WNK3: variants seen among roughly 807,000 people sequenced by gnomAD.
WNK3 encodes WNK lysine deficient protein kinase 3, also known as serine/threonine-protein kinase WNK3.
WNK3 carries 18 observed loss-of-function variants against 116.7 expected under a neutral mutation model. That is an observed-to-expected ratio of 0.15 (90% CI 0.11 to 0.23). WNK3 has a LOEUF of 0.23. Among genes scored for constraint, WNK3 ranks in the 10% least tolerant of loss-of-function variants. The pLI is 1.00. For synonymous variants in WNK3, 404 were observed against 469.4 expected, an observed-to-expected ratio of 0.86 and a Z score of 1.80; for missense variants, 993 against 1,323.8, an observed-to-expected ratio of 0.75 and a Z score of 3.88.
chrX:54,314,047 G>T (rs1233205608), intron 2 of WNK3, among the ~76,000 whole-genome samples: 1 of 108,624 alleles, frequency 9.2e-6, no homozygotes, highest in Non-Finnish European at 1.9e-5. Flanking sequence ...CAAAAAATTA[G>T]CCAGGTGTGG....
At chrX:54,261,603 T>C (rs147711065) in intron 10 of WNK3, among the ~76,000 whole-genome samples, 1 of 111,903 alleles carries the variant, frequency 8.9e-6, no homozygotes, top group East Asian at 2.8e-4. Context: ...TTGGTGTATA[T>C]TCTTTGAGAC....
At chrX:54,307,151 C>A (rs1045677323) in intron 5 of WNK3, among the ~76,000 whole-genome samples, 1 of 104,986 alleles carries the variant, frequency 9.5e-6, no homozygotes, top group African/African-American at 3.5e-5. Flanking sequence ...TGCTTGAACC[C>A]GGGAGGTGGA....
chrX:54,211,596 G>A (rs2067614312), intron 22 of WNK3, among the ~76,000 whole-genome samples: 2 of 110,956 alleles, frequency 1.8e-5, no homozygotes, highest in African/African-American at 6.5e-5. Context: ...ACAAGGTCAG[G>A]AAATCAAGAC....
In WNK3 at chrX:54,228,035, C is replaced by T. The variant is rs782111894; in HGVS notation, c.4870+679G>A. ...CCTTCTGAGTAGCTGGGACTACAGG[C>T]GTGCGCCACCATGCCTGGCTAATTT... On this transcript the variant is annotated intron_variant, in intron 22 of 23. Transcript: ENST00000354646. Among the ~76,000 whole-genome samples, 12 of 110,996 alleles carry T rather than the reference C, an allele frequency of 1.1e-4. No homozygotes were observed. The East Asian group carries it at 1.1e-3, about 10-fold the overall frequency.
At chrX:54,334,016 A>G (rs1349595277) in intron 1 of WNK3, among the ~76,000 whole-genome samples, 1 of 111,154 alleles carries the variant, frequency 9.0e-6, no homozygotes, top group Non-Finnish European at 1.9e-5. Flanking sequence ...ATCTGTCTTC[A>G]TATTGCATGA....
intron 2 of WNK3, among the ~76,000 whole-genome samples, chrX:54,331,793 T>TATA (rs1352759574): frequency 8.9e-6 from 1 of 111,887 alleles, no homozygotes; most frequent in African/African-American, 3.2e-5. Flanking sequence ...CTGACTCTTA[T>TATA]AAACAGTAAA....
intron 1 of WNK3, among the ~76,000 whole-genome samples, chrX:54,341,653 G>GATGA (rs1466532018): frequency 9.0e-6 from 1 of 111,208 alleles, no homozygotes; most frequent in Non-Finnish European, 1.9e-5. Context: ...CTACAACAAG[G>GATGA]ATGAACCATG....
At chrX:54,275,415 A>G (rs3021278) in intron 10 of WNK3, among the ~76,000 whole-genome samples, 7,030 of 64,413 alleles carry the variant, frequency 0.11, 520 homozygotes, top group African/African-American at 0.27. Context: ...ATAAGTTCAT[A>G]TGTGTGTGTG....
intron 20 of WNK3, among the ~76,000 whole-genome samples, chrX:54,236,416 C>T (rs1557150123): frequency 9.0e-6 from 1 of 111,160 alleles, no homozygotes; most frequent in Non-Finnish European, 1.9e-5. Context: ...CGCCACCATG[C>T]CCAGCTGGCC....
exon 24 of WNK3, chrX:54,198,042 A>AT (rs1557140589): frequency 4.7e-6 from 1 of 211,751 alleles, no homozygotes; most frequent in African/African-American, 2.9e-5. Context: ...AGCTGAGCTT[A>AT]TTAAAGCATT....
intron 7 of WNK3, among the ~76,000 whole-genome samples, chrX:54,295,256 A>G (rs1428485409): frequency 9.1e-6 from 1 of 109,788 alleles, no homozygotes; most frequent in Admixed American, 9.9e-5. Flanking sequence ...CCAAATTAAC[A>G]GTTAATCTGT....
chrX:54,335,410 A>G (rs782505160), intron 1 of WNK3, among the ~76,000 whole-genome samples: 5 of 112,180 alleles, frequency 4.5e-5, no homozygotes, highest in Middle Eastern at 4.6e-3. Flanking sequence ...ATTTTCTAAA[A>G]CTTTGCACAA....
rs2067991038 is a variant in WNK3 at position 54,238,821 on chromosome X, G to A, written c.3883+47C>T. The A allele has an allele frequency of 7.2e-6, 7 of 972,769 alleles. No individual in the cohort carries two copies. The African/African-American group carries it at 1.2e-4, about 16-fold the overall frequency. The allele number at this position is 972,769 out of a possible 1,213,427, so 80.2% of individuals were successfully genotyped here. On this transcript the variant is annotated intron_variant, in intron 18 of 23. Coordinates refer to ENST00000354646, the Ensembl canonical transcript of WNK3. ...TGAACAACAAAAAAAATAAGTAAAT[G>A]AAAAGTGATGTTACCTAGTCTATGT...
At chrX:54,352,133 C>T (rs868988465) in intron 1 of WNK3, among the ~76,000 whole-genome samples, 5 of 111,250 alleles carry the variant, frequency 4.5e-5, no homozygotes, top group Non-Finnish European at 7.5e-5. Flanking sequence ...ATAGTCAACA[C>T]GCCATGAGAA....
chrX:54,238,537 C>T, intron 18 of WNK3, 65 bp from the exon 19 acceptor site: 2 of 1,082,031 alleles, frequency 1.8e-6, no homozygotes, highest in South Asian at 2.2e-5. Context: ...AATTTGTTTA[C>T]ATTACCAAAA....
At position 54,302,699 on chromosome X, in the gene WNK3, TTCTC is replaced by T. The variant is rs782673409; in HGVS notation, c.1090-844_1090-841del. ...GGCTTCTCTATTTCAAACATTCCAATTCTCTCTCTCTCTCTCTCTCTCTCTCTCT... is the reference window on the plus strand; with the variant it reads ...GGCTTCTCTATTTCAAACATTCCAATTCTCTCTCTCTCTCTCTCTCTCTCT... On this transcript the variant is annotated intron_variant, in intron 5 of 23. Transcript: ENST00000354646. 1.6e-3 allele frequency among the ~76,000 whole-genome samples: 37 copies of T among 23,320 alleles called. No individual in the cohort carries two copies. The South Asian group carries it at 0.016, about 10-fold the overall frequency. 20.3% of individuals were successfully genotyped at this position (23,320 alleles called of 115,157 possible). A position where few individuals can be genotyped will look rare whatever the true frequency, so the allele number is the denominator to read the frequency against.
At chrX:54,232,769 G>T in intron 21 of WNK3, 40 bp downstream of exon 21, 1 of 1,118,364 alleles carries the variant, frequency 8.9e-7, no homozygotes, top group Non-Finnish European at 1.2e-6. Context: ...TGCTAATCTT[G>T]GACTAGATTT....
intron 10 of WNK3, among the ~76,000 whole-genome samples, chrX:54,291,981 A>G (rs2068644638): frequency 9.0e-6 from 1 of 111,712 alleles, no homozygotes; most frequent in African/African-American, 3.2e-5. Context: ...TGGCAAAGAA[A>G]AATGCAACCA....
At chrX:54,213,116 G>T (rs868956203) in intron 22 of WNK3, among the ~76,000 whole-genome samples, 17 of 110,165 alleles carry the variant, frequency 1.5e-4, no homozygotes, top group African/African-American at 5.3e-4. Context: ...GCGTAGCTGG[G>T]ACTACAGGTG....
Sources: gnomAD v4.1 joint callset for allele counts (sites outside exome capture counted in the v4.1 genomes callset) on GRCh38, gnomAD v4.1.1 for gene constraint, MANE v1.5 for transcripts, NCBI Gene and HGNC (gene_info 2026-07-23, HGNC 2026-07-21) for gene names.